The following MAST3 variants were observed in gnomAD, a reference collection of about 807,000 sequenced individuals.
MAST3 encodes the protein microtubule associated serine/threonine kinase 3.
MAST3 carries 43 observed loss-of-function variants against 127.0 expected under a neutral mutation model. The ratio of observed to expected loss-of-function variants is 0.34; its 90% CI spans 0.27 to 0.44. MAST3 has a LOEUF of 0.44. Ranked by LOEUF, MAST3 falls within the 20% of genes least tolerant of loss-of-function variation. The probability of loss-of-function intolerance (pLI) is 1.00; values close to 1 mark genes in which losing one functional copy is unlikely to be tolerated. For missense variants in MAST3, 1,390 were observed against 1,919.1 expected (o/e 0.72, Z 5.15); for synonymous variants, 785 against 809.2 (o/e 0.97, Z 0.51).
chr19:18,110,686 G>T lies in MAST3; in HGVS notation c.106G>T (p.Gly36Cys). 1 of 985,906 alleles carries T rather than the reference G, an allele frequency of 1.0e-6. No individual in the cohort carries two copies. Among genetic ancestry groups the T allele is most frequent in the Non-Finnish European group, 1.2e-6 (1 of 829,988 alleles). 61.1% of individuals were successfully genotyped at this position (985,906 alleles called of 1,614,324 possible). Residue 36 changes from glycine (G) to cysteine (C), a missense_variant, in exon 3 of 28, where the codon GGT becomes TGT. By Grantham distance (159) the Gly-to-Cys change is radical. Around this residue, in one of 5 missense-constraint regions of MAST3, gnomAD observed 61 missense variants for 78.2 expected, o/e 0.78. Coordinates refer to ENST00000687212, the MANE Select transcript of MAST3 (RefSeq NM_001393504.1). This position sits in a 1 kb window ranked among gnomAD's most constrained non-coding sequence, Gnocchi z 4.3. ...GAGCAGCCAGAGCCCGTCCCTGCTGGGTCCCAGCAGCCCCTGCAGCCCCTG... is the reference window on the plus strand; with the variant it reads ...GAGCAGCCAGAGCCCGTCCCTGCTGTGTCCCAGCAGCCCCTGCAGCCCCTG... ...SPSSQSPSLL[G>C]PSSPCSPCSP...
Position 18,134,986 on chromosome 19 carries a change from C to T in MAST3, c.1870+4C>T, listed in dbSNP as rs543219594. 8.8e-6 allele frequency: 14 copies of T among 1,599,306 alleles called. No homozygotes were observed. The East Asian group carries it at 2.2e-4, about 26-fold the overall frequency. On this transcript the variant is annotated splice_donor_region_variant and intron_variant, in intron 17 of 27. Transcript: ENST00000687212. Reference sequence around the variant, plus strand: ...CTCTTCGGTCAGGTGGTCAGCGGTGCGTTTCCTCCACGGGCCTGGGTTTGA... The same window carrying T: ...CTCTTCGGTCAGGTGGTCAGCGGTGTGTTTCCTCCACGGGCCTGGGTTTGA...
chr19:18,103,492 C>T (rs926688923), intron 1 of MAST3, among the ~76,000 whole-genome samples: 54 of 151,994 alleles, frequency 3.6e-4, no homozygotes, highest in African/African-American at 1.2e-3. Flanking sequence ...GAGACAAGAT[C>T]GCACCATTGC....
chr19:18,129,938 G>A (rs273495), intron 13 of MAST3, among the ~76,000 whole-genome samples: 131,585 of 142,986 alleles, frequency 0.92, 60,669 homozygotes, highest in East Asian at 0.96. Flanking sequence ...AAAAAAAAAA[G>A]GAAAGAAAGA....
intron 3 of MAST3, among the ~76,000 whole-genome samples, chr19:18,111,552 T>TTTTTTTTTA (rs2038638116): frequency 7.2e-6 from 1 of 137,934 alleles, no homozygotes; most frequent in African/African-American, 2.5e-5. Flanking sequence ...TTTTTTTTTT[T>TTTTTTTTTA]GAGGCAGAGT....
At chr19:18,130,778 C>G in intron 14 of MAST3, 76 bp downstream of exon 14, 1 of 1,407,088 alleles carries the variant, frequency 7.1e-7, no homozygotes, top group Non-Finnish European at 9.8e-7. Flanking sequence ...ATTTTTAGAC[C>G]AAGTTGAGGT....
chr19:18,128,959 C>T lies in MAST3; in HGVS notation c.1223+8C>T. ...TAGCAACGGAGCCTATGGGTGAGTC[C>T]CTGAGTCCTGCATAGACCCATTTCA... On this transcript the variant is annotated splice_region_variant and intron_variant, in intron 13 of 27. Coordinates refer to ENST00000687212, the MANE Select transcript of MAST3 (RefSeq NM_001393504.1). The T allele has an allele frequency of 6.2e-7, 1 of 1,613,034 alleles. No homozygotes were observed. The highest frequency in any genetic ancestry group is 8.5e-7 in the Non-Finnish European group (1 of 1,179,146).
At chr19:18,104,471 C>T (rs1158304829) in intron 1 of MAST3, among the ~76,000 whole-genome samples, 1 of 152,138 alleles carries the variant, frequency 6.6e-6, no homozygotes. Flanking sequence ...CCCGCCTCTC[C>T]CGGGAGACCT....
intron 20 of MAST3, among the ~76,000 whole-genome samples, chr19:18,139,894 A>G (rs1448469142): frequency 2.9e-5 from 4 of 139,304 alleles, no homozygotes; most frequent in African/African-American, 1.1e-4. Flanking sequence ...ATCTCTGCTC[A>G]CTGCAAGCTC....
chr19:18,146,437 AC>A (rs1392222815), intron 25 of MAST3, among the ~76,000 whole-genome samples: 1 of 151,792 alleles, frequency 6.6e-6, no homozygotes, highest in Non-Finnish European at 1.5e-5. Context: ...ACAGAGTGAG[AC>A]CCTCCCTGGT....
intron 12 of MAST3, 57 bp downstream of exon 12, chr19:18,128,515 G>T: frequency 6.6e-7 from 1 of 1,503,830 alleles, no homozygotes; most frequent in Non-Finnish European, 9.0e-7. Flanking sequence ...GAGTGGACCA[G>T]GCACCCGCAG....
intron 3 of MAST3, among the ~76,000 whole-genome samples, chr19:18,118,699 G>C (rs763779724): frequency 6.6e-6 from 1 of 152,170 alleles, no homozygotes; most frequent in Non-Finnish European, 1.5e-5. Flanking sequence ...GTTAACCCCC[G>C]CCAAAGCCTC....
intron 11 of MAST3, among the ~76,000 whole-genome samples, chr19:18,125,674 GAGGTTGC>G (rs2040529498): frequency 6.7e-6 from 1 of 150,336 alleles, no homozygotes; most frequent in Non-Finnish European, 1.5e-5. Context: ...CCTGGAGGCG[GAGGTTGC>G]AGTGAGCCGA....
At chr19:18,129,936 AAGG>A (rs1324787756) in intron 13 of MAST3, among the ~76,000 whole-genome samples, 76 of 71,640 alleles carry the variant, frequency 1.1e-3, no homozygotes, top group Middle Eastern at 7.8e-3. Flanking sequence ...AAAAAAAAAA[AAGG>A]AAAGAAAGAA....
chr19:18,145,274 C>T lies in MAST3; in HGVS notation c.3039+45C>T. On this transcript the variant is annotated intron_variant, in intron 24 of 27. Transcript: ENST00000687212. This position sits in a 1 kb window ranked among gnomAD's most constrained non-coding sequence, Gnocchi z 5.9. The stretch of plus-strand genomic sequence containing the variant: ...GGCAGGGACCCGGGTTCTAGTTTGA[C>T]TCTGCCCGGTCATGTCCCTTCTCAG... 1 of 1,574,116 alleles carries T rather than the reference C, an allele frequency of 6.4e-7. No homozygotes were observed. The highest frequency in any genetic ancestry group is 8.7e-7 in the Non-Finnish European group (1 of 1,144,854).
At chr19:18,136,549 G>A (rs751304517) in intron 18 of MAST3, among the ~76,000 whole-genome samples, 5 of 152,268 alleles carry the variant, frequency 3.3e-5, no homozygotes, top group South Asian at 2.1e-4. Flanking sequence ...CCGAGTAGCC[G>A]GAACCACAGG....
At chr19:18,132,150 G>T in intron 15 of MAST3, 103 bp downstream of exon 15, 1 of 1,488,642 alleles carries the variant, frequency 6.7e-7, no homozygotes. Context: ...GGTGCATCCC[G>T]GGACCCTTCA....
intron 3 of MAST3, among the ~76,000 whole-genome samples, chr19:18,113,461 G>T (rs926119272): frequency 2.0e-5 from 3 of 151,290 alleles, no homozygotes; most frequent in East Asian, 1.9e-4. Flanking sequence ...CATTTGGGTG[G>T]TTTTTTTTGT....
intron 3 of MAST3, among the ~76,000 whole-genome samples, chr19:18,117,261 C>T (rs1353697715): frequency 6.6e-6 from 1 of 152,170 alleles, no homozygotes; most frequent in African/African-American, 2.4e-5. Flanking sequence ...AGATATGGAA[C>T]ATATACCAGG....
intron 3 of MAST3, among the ~76,000 whole-genome samples, chr19:18,120,709 G>GT (rs1568563762): frequency 6.6e-6 from 1 of 150,596 alleles, no homozygotes; most frequent in Non-Finnish European, 1.5e-5. Flanking sequence ...CTAATTTTTG[G>GT]TTTTTTTGTT....
Sources: gnomAD v4.1 joint callset for allele counts (sites outside exome capture counted in the v4.1 genomes callset) on GRCh38, gnomAD v4.1.1 for gene constraint, gnomAD v4.1.1 regional missense constraint, Gnocchi (gnomAD v3.1) non-coding constraint, MANE v1.5 for transcripts, NCBI Gene and HGNC (gene_info 2026-07-23, HGNC 2026-07-21) for gene names.